MECOM: variants seen among roughly 807,000 people sequenced by gnomAD.
MECOM encodes histone-lysine N-methyltransferase MECOM.
MECOM carries 13 observed loss-of-function variants against 116.3 expected under a neutral mutation model. The observed-to-expected ratio is 0.11, with a 90% CI of 0.07 to 0.18. The LOEUF is 0.18. MECOM is among the 10% of genes least tolerant of loss of function. The pLI, the probability that MECOM is intolerant of heterozygous loss-of-function variation, is 1.00. For synonymous variants in MECOM, 528 were observed against 535.2 expected (o/e 0.99, Z 0.19); for missense variants, 1,299 against 1,509.0 (o/e 0.86, Z 2.31).
chr3:169,263,130 T>G (rs918144582), intron 2 of MECOM, among the ~76,000 whole-genome samples: 2 of 67,152 alleles, frequency 3.0e-5, no homozygotes, highest in African/African-American at 1.7e-4. Flanking sequence ...TATATATATG[T>G]TTTTTTTTTT....
chr3:169,546,603 C>G (rs1269586117), intron 1 of MECOM, among the ~76,000 whole-genome samples: 1 of 152,150 alleles, frequency 6.6e-6, no homozygotes, highest in Non-Finnish European at 1.5e-5. Context: ...CTGGCCACTT[C>G]AAGATGCAGC....
intron 1 of MECOM, among the ~76,000 whole-genome samples, chr3:169,594,878 G>GAAAAA (rs11371795): frequency 1.7e-5 from 2 of 119,780 alleles, no homozygotes; most frequent in East Asian, 2.5e-4. Flanking sequence ...GGATCTAACT[G>GAAAAA]AAAAAAAAAA....
intron 1 of MECOM, among the ~76,000 whole-genome samples, chr3:169,580,540 T>C (rs1425875693): frequency 1.3e-5 from 2 of 152,134 alleles, no homozygotes; most frequent in African/African-American, 4.8e-5. Context: ...ACAATCAAAA[T>C]TGGGCCCAAA....
chr3:169,483,805 A>G, intron 1 of MECOM: 3 of 1,611,812 alleles, frequency 1.9e-6, no homozygotes, highest in Non-Finnish European at 2.5e-6. Flanking sequence ...TTGGTGAGAT[A>G]TTTCAAATAC....
intron 6 of MECOM, 41 bp from the exon 7 acceptor site, chr3:169,121,250 C>T (rs1213387378): frequency 6.5e-7 from 1 of 1,541,536 alleles, no homozygotes; most frequent in Non-Finnish European, 8.8e-7. Context: ...AAACTTAACT[C>T]AAGGGCACAA....
chr3:169,565,794 A>C (rs528755182), intron 1 of MECOM, among the ~76,000 whole-genome samples: 75 of 152,302 alleles, frequency 4.9e-4, no homozygotes, highest in African/African-American at 1.6e-3. Context: ...GTTATTAGAA[A>C]TATCTGTTAG....
chr3:169,085,028 G>T lies in MECOM; in HGVS notation c.3601C>A (p.Leu1201Met), dbSNP rs144104039. 120 of 1,614,068 alleles carry T rather than the reference G, an allele frequency of 7.4e-5. No individual in the cohort carries two copies. In the African/African-American group the frequency reaches 1.4e-3, roughly 19 times the overall value. Residue 1201 changes from leucine to methionine, a missense_variant, in exon 17 of 17, where the codon CTG becomes ATG. Leu to Met is a conservative substitution (Grantham distance 15). Around this residue, in one of 6 missense-constraint regions of MECOM, gnomAD observed 273 missense variants for 289.3 expected, o/e 0.94. Transcript: ENST00000651503. ...AGGGACTCCTTGTCAGACAGTGACAGCATCATAGCATATGCCTGGGGTAAA... is the reference window on the plus strand; with the variant it reads ...AGGGACTCCTTGTCAGACAGTGACATCATCATAGCATATGCCTGGGGTAAA... ...KSKSQAYAMM[L>M]SLSDKESLHS... is the part of the protein sequence containing the mutation.
intron 1 of MECOM, among the ~76,000 whole-genome samples, chr3:169,485,907 A>G (rs1560340013): frequency 2.4e-5 from 3 of 125,582 alleles, no homozygotes; most frequent in Admixed American, 8.8e-5. Context: ...TATATAGTAT[A>G]TATGTATGTA....
intron 1 of MECOM, among the ~76,000 whole-genome samples, chr3:169,444,687 C>T (rs939515915): frequency 6.6e-6 from 1 of 151,942 alleles, no homozygotes; most frequent in African/African-American, 2.4e-5. Flanking sequence ...TGAAAAGATA[C>T]CCGATGACTT....
At chr3:169,594,167 A>AG (rs1445960479) in intron 1 of MECOM, among the ~76,000 whole-genome samples, 1 of 144,640 alleles carries the variant, frequency 6.9e-6, no homozygotes. Context: ...AAAAAAAAAA[A>AG]AAAAAAAAAC....
At chr3:169,332,032 G>A (rs1425151718) in intron 2 of MECOM, among the ~76,000 whole-genome samples, 1 of 149,694 alleles carries the variant, frequency 6.7e-6, no homozygotes, top group Non-Finnish European at 1.5e-5. Flanking sequence ...AAGGATTATT[G>A]AGGTGTTTCT....
At position 169,413,419 on chromosome 3, in the gene MECOM, C is replaced by A. The variant is rs768315176; in HGVS notation, c.38-31895G>T. 2.0e-5 allele frequency among the ~76,000 whole-genome samples: 3 copies of A among 152,118 alleles called. No individual in the cohort carries two copies. In the South Asian group the frequency reaches 6.2e-4, roughly 32 times the overall value. ...AAGTGCCCTCGGTATCAAGCACAAA[C>A]CTGGGGGGCCATTTGGGCAGACACC... On this transcript the variant is annotated intron_variant, in intron 1 of 16. Transcript: ENST00000651503.
At chr3:169,210,948 G>A (rs1158267947) in intron 2 of MECOM, among the ~76,000 whole-genome samples, 1 of 152,084 alleles carries the variant, frequency 6.6e-6, no homozygotes, top group East Asian at 1.9e-4. Context: ...CCATTGAGTG[G>A]CATATATCAG....
chr3:169,285,618 C>T (rs1273152833), intron 2 of MECOM, among the ~76,000 whole-genome samples: 1 of 152,112 alleles, frequency 6.6e-6, no homozygotes, highest in African/African-American at 2.4e-5. Context: ...GTGAAAGACG[C>T]CAAGGAAACC....
At chr3:169,155,039 G>A (rs1337303560) in intron 2 of MECOM, among the ~76,000 whole-genome samples, 1 of 152,096 alleles carries the variant, frequency 6.6e-6, no homozygotes, top group East Asian at 1.9e-4. Context: ...TTTAAGGACG[G>A]AATCAAGTTT....
chr3:169,545,358 T>G (rs548870538), intron 1 of MECOM, among the ~76,000 whole-genome samples: 2 of 152,216 alleles, frequency 1.3e-5, no homozygotes, highest in South Asian at 4.1e-4. Context: ...TCTCCTCAAT[T>G]TAAACACCCC....
chr3:169,150,653 T>G (rs1361997938), intron 2 of MECOM, among the ~76,000 whole-genome samples: 6 of 152,214 alleles, frequency 3.9e-5, no homozygotes, highest in Non-Finnish European at 7.3e-5. Flanking sequence ...AAAAATGGAA[T>G]GATTCATCAG....
At chr3:169,094,739 G>T (rs964792973) in intron 13 of MECOM, among the ~76,000 whole-genome samples, 5 of 152,164 alleles carry the variant, frequency 3.3e-5, no homozygotes, top group Non-Finnish European at 7.3e-5. Flanking sequence ...ATGCCTAGAG[G>T]CCACATTCTG....
chr3:169,455,869 T>G (rs930050551), intron 1 of MECOM, among the ~76,000 whole-genome samples: 1 of 152,192 alleles, frequency 6.6e-6, no homozygotes, highest in Admixed American at 6.5e-5. Context: ...CTTATTGGTT[T>G]GACGTGGCTG....
Sources: allele counts gnomAD v4.1 joint callset (sites outside exome capture counted in the v4.1 genomes callset), GRCh38; gene constraint gnomAD v4.1.1; regional missense constraint gnomAD v4.1.1; transcripts MANE v1.5; gene names NCBI Gene and HGNC (gene_info 2026-07-23, HGNC 2026-07-21).